AANAT: variants seen among roughly 807,000 people sequenced by gnomAD.
The protein encoded by AANAT is aralkylamine N-acetyltransferase.
Under a neutral mutation model 15.6 loss-of-function variants are expected in AANAT, and 11 were observed. That is an observed-to-expected ratio of 0.71 (90% confidence interval 0.44 to 1.17). AANAT has a LOEUF of 1.17. Among genes scored for constraint, AANAT ranks in the 50% most tolerant of loss-of-function variants. The probability of loss-of-function intolerance (pLI) is 0.00; values close to 1 mark genes in which losing one functional copy is unlikely to be tolerated. For synonymous variants in AANAT, 139 were observed against 131.5 expected (o/e 1.06, Z -0.39); for missense variants, 286 against 296.3 (o/e 0.97, Z 0.26).
intron 2 of AANAT, among the ~76,000 whole-genome samples, chr17:76,460,242 G>A (rs1022942201): frequency 2.1e-5 from 3 of 140,858 alleles, no homozygotes; most frequent in Admixed American, 1.5e-4. Flanking sequence ...TCCGCATCCC[G>A]GGTTCAAGAC....
chr17:76,458,589 C>G (rs972975764), intron 1 of AANAT, among the ~76,000 whole-genome samples: 6 of 152,168 alleles, frequency 3.9e-5, no homozygotes, highest in Non-Finnish European at 5.9e-5. Flanking sequence ...GGCCTCTCCC[C>G]TTGCTAAGTG....
chr17:76,468,005 A>G (rs542019104), intron 1 of AANAT, among the ~76,000 whole-genome samples: 9 of 151,756 alleles, frequency 5.9e-5, no homozygotes, highest in African/African-American at 2.2e-4. Flanking sequence ...GGCCCTCTGC[A>G]GCCCCCGGCT....
chr17:76,463,685 C>G (rs1409699784), upstream of AANAT, among the ~76,000 whole-genome samples: 1 of 152,124 alleles, frequency 6.6e-6, no homozygotes, highest in African/African-American at 2.4e-5. Flanking sequence ...TTCTTTGTGG[C>G]ATTTCAGGCT....
At chr17:76,455,450 C>T (rs2073335016) in intron 1 of AANAT, among the ~76,000 whole-genome samples, 2 of 152,024 alleles carry the variant, frequency 1.3e-5, no homozygotes, top group South Asian at 4.1e-4. Context: ...GACTCTATCT[C>T]AAAAGAAAAA....
At chr17:76,456,823 T>A (rs1041524968) in intron 1 of AANAT, among the ~76,000 whole-genome samples, 1 of 152,212 alleles carries the variant, frequency 6.6e-6, no homozygotes, top group African/African-American at 2.4e-5. Context: ...CAATCTTGGA[T>A]ATAGAGAGTT....
At chr17:76,458,505 T>C (rs1214499923) in intron 1 of AANAT, among the ~76,000 whole-genome samples, 2 of 152,248 alleles carry the variant, frequency 1.3e-5, no homozygotes, top group African/African-American at 4.8e-5. Flanking sequence ...TCCCAGCCTT[T>C]CGTGGGGAAT....
upstream of AANAT, among the ~76,000 whole-genome samples, chr17:76,463,039 C>T (rs1228203544): frequency 6.6e-6 from 1 of 152,162 alleles, no homozygotes; most frequent in East Asian, 1.9e-4. Context: ...CGGGAAGCTC[C>T]CAGATTCCAG....
chr17:76,469,899 T>TCCC lies in AANAT; in HGVS notation c.554_556dup (p.Ser185_Leu186insPro), dbSNP rs757911478. 6.4e-6 allele frequency: 10 copies of TCCC among 1,573,038 alleles called. No homozygotes were observed. The South Asian group carries it at 1.2e-4, about 18-fold the overall frequency. On this transcript the variant is annotated inframe_insertion, in exon 4 of 4. Coordinates refer to ENST00000392492, the MANE Select transcript of AANAT (RefSeq NM_001088.3). The surrounding 1 kb of genome is among the most constrained non-coding windows in gnomAD (Gnocchi z 5.2). Reference sequence around the variant, plus strand: ...GGGCCCCTGCGCCATCACCGTGGGCTCCCTCACCTTCATGGAGCTCCACTG... The same window carrying TCCC: ...GGGCCCCTGCGCCATCACCGTGGGCTCCCCCCTCACCTTCATGGAGCTCCACTG...
At position 76,469,060 on chromosome 17, in the gene AANAT, A is replaced by G. The variant is rs2073477994; in HGVS notation, c.164-113A>G. On this transcript the variant is annotated intron_variant, in intron 2 of 3. Transcript: ENST00000392492. This position sits in a 1 kb window ranked among gnomAD's most constrained non-coding sequence, Gnocchi z 5.2. ...AGAAAGTGGGGGAAACAGCAGCCCT[A>G]ACCCCCATTTTCCTGTGGGGAACGG... 2 of 1,518,886 alleles carry G rather than the reference A, an allele frequency of 1.3e-6. No individual in the cohort carries two copies. The highest frequency in any genetic ancestry group is 4.5e-5 in the East Asian group (2 of 44,254). The allele number at this position is 1,518,886 out of a possible 1,614,324, so 94.1% of individuals were successfully genotyped here.
chr17:76,467,069 G>A (rs1178425023), upstream of AANAT, among the ~76,000 whole-genome samples: 1 of 152,090 alleles, frequency 6.6e-6, no homozygotes, highest in African/African-American at 2.4e-5. Flanking sequence ...AGGGAGAGGG[G>A]CCTGCATCCC....
intron 1 of AANAT, 27 bp from the exon 2 acceptor site, chr17:76,468,645 C>A (rs2073467039): frequency 6.6e-7 from 1 of 1,524,814 alleles, no homozygotes; most frequent in African/African-American, 1.4e-5. Flanking sequence ...GAGGATGAGA[C>A]CCCTGTCCCT....
intron 1 of AANAT, among the ~76,000 whole-genome samples, chr17:76,468,428 G>A (rs1054551860): frequency 1.1e-4 from 17 of 152,200 alleles, no homozygotes; most frequent in African/African-American, 3.9e-4. Context: ...ACCAATGTCT[G>A]CAGGTCTGCA....
chr17:76,466,206 C>T, upstream of AANAT: 1 of 1,536,184 alleles, frequency 6.5e-7, no homozygotes, highest in Middle Eastern at 1.7e-4. Context: ...ACAGAAGAGG[C>T]CTTTTGGGGG....
rs577112613 is a variant in AANAT, at chr17:76,458,397, C to T, written c.-575-850C>T. Among the ~76,000 whole-genome samples, 6 of 152,246 alleles carry T rather than the reference C, an allele frequency of 3.9e-5. 1 individual carries two copies. The South Asian group carries it at 1.2e-3, about 32-fold the overall frequency. The stretch of plus-strand genomic sequence containing the variant: ...TAGCAGGGTAAGTGTGGATGGAAGC[C>T]GCTGCTTAGTTTTTATTTTTGTCAT... On this transcript the variant is annotated intron_variant, in intron 1 of 6. Transcript: ENST00000250615.
In AANAT at chr17:76,468,788, A is replaced by C; in HGVS notation, c.42A>C (p.Pro14=). 6.2e-7 allele frequency: 1 copy of C among 1,613,434 alleles called. No individual in the cohort carries two copies. Among genetic ancestry groups the C allele is most frequent in the Non-Finnish European group, 8.5e-7 (1 of 1,179,900 alleles). The change falls in exon 2 of 4, where the codon CCA becomes CCC. Residue 14 remains proline (P), a synonymous_variant. Coordinates refer to ENST00000392492, the MANE Select transcript of AANAT (RefSeq NM_001088.3). ...QSTHPLKPEA[P]RLPPGIPESP... ...CCCACCCCCTGAAACCTGAGGCCCC[A>C]CGTCTGCCACCTGGGATCCCCGAGT...
upstream of AANAT, among the ~76,000 whole-genome samples, chr17:76,463,604 G>A (rs35720705): frequency 0.056 from 8,499 of 151,928 alleles, 327 homozygotes; most frequent in East Asian, 0.14. Flanking sequence ...CACCGTGCCC[G>A]GCCTTTTCTG....
In AANAT at chr17:76,469,313, G is replaced by C; in HGVS notation, c.304G>C (p.Glu102Gln). The C allele has an allele frequency of 6.2e-7, 1 of 1,614,040 alleles. No homozygotes were observed. Among genetic ancestry groups the C allele is most frequent in the South Asian group, 1.1e-5 (1 of 91,086 alleles). Residue 102 changes from glutamate to glutamine, a missense_variant, in exon 3 of 4, where the codon GAG (glutamate) becomes CAG (glutamine). Coordinates refer to ENST00000392492, the MANE Select transcript of AANAT (RefSeq NM_001088.3). This position sits in a 1 kb window ranked among gnomAD's most constrained non-coding sequence, Gnocchi z 5.2. ...AFIIGSLWDK[E>Q]RLMQESLTLH... ...CATCATCGGCTCGCTCTGGGACAAG[G>C]AGAGACTCATGCAGGTGAGGACAGG... is the stretch of plus-strand genomic sequence containing the variant.
At chr17:76,460,809 G>A (rs1432867022) in intron 2 of AANAT, among the ~76,000 whole-genome samples, 1 of 152,092 alleles carries the variant, frequency 6.6e-6, no homozygotes, top group Non-Finnish European at 1.5e-5. Context: ...CTAATACGGC[G>A]ATATTGAGCC....
chr17:76,456,900 A>T (rs2073347934), intron 1 of AANAT, among the ~76,000 whole-genome samples: 1 of 152,166 alleles, frequency 6.6e-6, no homozygotes, highest in Admixed American at 6.5e-5. Flanking sequence ...AACAGGTAGT[A>T]ACCTGAGGAG....
Sources: allele counts gnomAD v4.1 joint callset (sites outside exome capture counted in the v4.1 genomes callset), GRCh38; gene constraint gnomAD v4.1.1; non-coding constraint Gnocchi (gnomAD v3.1); transcripts MANE v1.5; gene names NCBI Gene and HGNC (gene_info 2026-07-23, HGNC 2026-07-21).